Variants in MYL2 observed in about 807,000 individuals in gnomAD.
The protein encoded by MYL2 is myosin regulatory light chain 2, ventricular/cardiac muscle isoform.
MYL2 carries 19 observed loss-of-function variants against 23.0 expected under a neutral mutation model. The ratio of observed to expected loss-of-function variants is 0.83; its 90% confidence interval spans 0.58 to 1.21. The LOEUF (loss-of-function observed/expected upper bound fraction) is 1.21, where lower values mean the gene tolerates loss of function less well. MYL2 is among the 50% of genes most tolerant of loss of function. The pLI is 0.00. For missense variants in MYL2, 180 were observed against 215.1 expected, an observed-to-expected ratio of 0.84 and a Z score of 1.02; for synonymous variants, 78 against 76.2, an observed-to-expected ratio of 1.02 and a Z score of -0.13.
chr12:110,915,597 G>A (rs748290055), intron 3 of MYL2, 118 bp downstream of exon 3: 1 of 1,041,574 alleles, frequency 9.6e-7, no homozygotes, highest in Non-Finnish European at 1.5e-6. Flanking sequence ...ACCAGTTGTG[G>A]CAGAGTTGTT....
rs2071644351 is a variant in MYL2 at position 110,910,880 on chromosome 12, G to T, written c.*197C>A. On this transcript the variant is annotated 3_prime_UTR_variant, in exon 7 of 7. Coordinates refer to ENST00000228841, the MANE Select transcript of MYL2 (RefSeq NM_000432.4). ...CCTGTTTATTGGAACATGGCCTCTGGATGGATTTCCAACTGTAGGATGTGC... is the reference window on the plus strand; with the variant it reads ...CCTGTTTATTGGAACATGGCCTCTGTATGGATTTCCAACTGTAGGATGTGC... 1.6e-6 allele frequency: 1 copy of T among 622,460 alleles called. No homozygotes were observed. The highest frequency in any genetic ancestry group is 2.8e-5 in the East Asian group (1 of 35,892). 38.6% of individuals were successfully genotyped at this position (622,460 alleles called of 1,614,324 possible).
At chr12:110,913,745 G>A (rs1477430265) in intron 4 of MYL2, among the ~76,000 whole-genome samples, 1 of 152,124 alleles carries the variant, frequency 6.6e-6, no homozygotes, top group Non-Finnish European at 1.5e-5. Context: ...TAGTTGCTGT[G>A]TTTTTGTTTT....
At chr12:110,913,454 C>A in intron 4 of MYL2, 130 bp from the exon 5 acceptor site, 1 of 913,988 alleles carries the variant, frequency 1.1e-6, no homozygotes, top group Non-Finnish European at 1.8e-6. Flanking sequence ...AGGAAAAAGA[C>A]CCTGCTTTCG....
rs142220381 is a variant in MYL2, at chr12:110,913,199, A to AG, written c.353+46dup. On this transcript the variant is annotated intron_variant, in intron 5 of 6. Coordinates refer to ENST00000228841, the MANE Select transcript of MYL2 (RefSeq NM_000432.4). ...TCAGTTGTGTGTGTGTAGGGGGGACAGGGGGCAAGCAGGGAACCCCCTTCC... is the reference window on the plus strand; with the variant it reads ...TCAGTTGTGTGTGTGTAGGGGGGACAGGGGGGCAAGCAGGGAACCCCCTTCC... The AG allele has an allele frequency of 0.077, 123,117 of 1,593,392 alleles. 5,554 individuals are homozygous for AG. The highest frequency in any genetic ancestry group is 0.22 in the East Asian group (9,866 of 44,874).
chr12:110,911,548 C>T (rs1219821782), intron 6 of MYL2, among the ~76,000 whole-genome samples: 1 of 152,118 alleles, frequency 6.6e-6, no homozygotes, highest in Non-Finnish European at 1.5e-5. Flanking sequence ...CTTTTCCTTC[C>T]TTGCCCTTCC....
intron 3 of MYL2, among the ~76,000 whole-genome samples, 199 bp downstream of exon 3, chr12:110,915,516 G>GA (rs3216888): frequency 6.6e-6 from 1 of 151,774 alleles, no homozygotes; most frequent in African/African-American, 2.4e-5. Context: ...TATTTCAAGA[G>GA]AAAAAAAAGA....
chr12:110,915,000 C>T lies in MYL2; in HGVS notation c.170-710G>A, dbSNP rs190241665. Among the ~76,000 whole-genome samples, 222 of 152,282 alleles carry T rather than the reference C, an allele frequency of 1.5e-3. 2 individuals carry two copies. The highest frequency in any genetic ancestry group is 5.1e-3 in the African/African-American group (211 of 41,540). ...AGTTAAACCTGCTGTAACCCACAGC[C>T]GTGGAGGTTCTGATTTACCTGCTCT... is the stretch of plus-strand genomic sequence containing the variant. On this transcript the variant is annotated intron_variant, in intron 3 of 6. Transcript: ENST00000228841.
intron 1 of MYL2, 145 bp downstream of exon 1, chr12:110,920,382 C>G: frequency 1.8e-6 from 2 of 1,126,640 alleles, no homozygotes; most frequent in African/African-American, 3.0e-5. Flanking sequence ...TTCCTCTGTG[C>G]CCGCGCAGTC....
chr12:110,912,166 G>C (rs2071656895), intron 6 of MYL2, among the ~76,000 whole-genome samples: 1 of 152,148 alleles, frequency 6.6e-6, no homozygotes, highest in Non-Finnish European at 1.5e-5. Flanking sequence ...GAGGCTATGA[G>C]GGGAGCATTT....
intron 3 of MYL2, 132 bp from the exon 4 acceptor site, chr12:110,914,422 C>A: frequency 7.9e-5 from 51 of 649,116 alleles, no homozygotes; most frequent in Admixed American, 8.4e-5. Flanking sequence ...TGGATGGAGG[C>A]AAAGATCTTT....
At chr12:110,919,239 A>G in intron 1 of MYL2, 46 bp from the exon 2 acceptor site, 1 of 1,545,260 alleles carries the variant, frequency 6.5e-7, no homozygotes, top group Non-Finnish European at 8.9e-7. Flanking sequence ...GCTGGGAGTC[A>G]AAAAACTAGG....
chr12:110,914,628 C>T (rs908434754), intron 3 of MYL2, among the ~76,000 whole-genome samples: 3 of 152,162 alleles, frequency 2.0e-5, no homozygotes, highest in South Asian at 2.1e-4. Context: ...AAGCGATTCT[C>T]GTGCCTCAGC....
rs113958682 is a variant in MYL2 at position 110,917,490 on chromosome 12, G to GACAAACAAACAA, written c.93+1602_93+1613dup. On this transcript the variant is annotated intron_variant, in intron 2 of 6. Transcript: ENST00000228841. ...GAGTACCTGTAATCCCATTTACTCAGACAAACAAACAAACAAACAAACAAA... is the reference window on the plus strand; with the variant it reads ...GAGTACCTGTAATCCCATTTACTCAGACAAACAAACAAACAAACAAACAAACAAACAAACAAA... Among the ~76,000 whole-genome samples the GACAAACAAACAA allele has an allele frequency of 6.9e-4, 103 of 149,842 alleles. 1 individual carries two copies. Among genetic ancestry groups the GACAAACAAACAA allele is most frequent in the African/African-American group, 2.4e-3 (97 of 40,696 alleles).
intron 6 of MYL2, 130 bp downstream of exon 6, chr12:110,912,966 C>T: frequency 9.6e-7 from 1 of 1,047,028 alleles, no homozygotes; most frequent in Non-Finnish European, 1.5e-6. Flanking sequence ...TGAGGCCAGG[C>T]CTCAGAAGAC....
intron 1 of MYL2, among the ~76,000 whole-genome samples, chr12:110,919,647 G>A (rs1437903015): frequency 1.3e-5 from 2 of 152,134 alleles, no homozygotes; most frequent in Non-Finnish European, 2.9e-5. Flanking sequence ...GTTCTTCAAG[G>A]TGTTAAAACC....
At chr12:110,915,616 A>G in intron 3 of MYL2, 99 bp downstream of exon 3, 1 of 1,254,930 alleles carries the variant, frequency 8.0e-7, no homozygotes, top group Non-Finnish European at 1.2e-6. Flanking sequence ...TTTCTTTGGG[A>G]AATGACACCA....
At chr12:110,920,496 C>T in intron 1 of MYL2, 31 bp downstream of exon 1, 1 of 1,614,120 alleles carries the variant, frequency 6.2e-7, no homozygotes, top group African/African-American at 1.3e-5. Context: ...GCCCACCCGG[C>T]ATCATCACCT....
chr12:110,911,056 G>A lies in MYL2; in HGVS notation c.*21C>T, dbSNP rs1441766161. On this transcript the variant is annotated 3_prime_UTR_variant, in exon 7 of 7. Transcript: ENST00000228841. ...GACCACTCTGCAAAGACGAGCCCAG[G>A]GCGCAGCAGCGAGCCCCCTCCTAGT... 12 of 1,607,410 alleles carry A rather than the reference G, an allele frequency of 7.5e-6. No homozygotes were observed. The highest frequency in any genetic ancestry group is 1.0e-5 in the Non-Finnish European group (12 of 1,174,170).
chr12:110,919,962 A>T (rs1028086593), intron 1 of MYL2, among the ~76,000 whole-genome samples: 1 of 152,172 alleles, frequency 6.6e-6, no homozygotes, highest in African/African-American at 2.4e-5. Flanking sequence ...CCACACACAC[A>T]GAAGGCAGAG....
Sources: allele counts gnomAD v4.1 joint callset (sites outside exome capture counted in the v4.1 genomes callset), GRCh38; gene constraint gnomAD v4.1.1; transcripts MANE v1.5; gene names NCBI Gene and HGNC (gene_info 2026-07-23, HGNC 2026-07-21).